The following PRXL2A variants were observed in gnomAD, a reference collection of about 807,000 sequenced individuals.
The protein encoded by PRXL2A is peroxiredoxin-like 2A.
In PRXL2A, 26 loss-of-function variants were observed where a neutral mutation model predicts 25.6. That is an observed-to-expected ratio of 1.02 (90% CI 0.74 to 1.41). The LOEUF is 1.41. Ranked by LOEUF, PRXL2A falls within the 40% of genes most tolerant of loss-of-function variation. The pLI, the probability that PRXL2A is intolerant of heterozygous loss-of-function variation, is 0.00. For missense variants in PRXL2A, 246 were observed against 273.9 expected, an observed-to-expected ratio of 0.90 and a Z score of 0.72; for synonymous variants, 98 against 102.9, an observed-to-expected ratio of 0.95 and a Z score of 0.29.
intron 1 of PRXL2A, chr10:80,414,010 G>A: frequency 3.3e-6 from 1 of 305,308 alleles, no homozygotes; most frequent in Non-Finnish European, 5.3e-6. Context: ...TGGGGGCAGT[G>A]TTGAGGAGCC....
At chr10:80,419,298 CTTTTTTTTTTTTTCT>C (rs1453042356) in intron 1 of PRXL2A, among the ~76,000 whole-genome samples, 2 of 129,188 alleles carry the variant, frequency 1.5e-5, no homozygotes, top group South Asian at 2.7e-4. Context: ...CTTCCTCTTT[CTTTTTTTTTTTTTCT>C]TTTTTTTTTT....
intron 3 of PRXL2A, 34 bp downstream of exon 3, chr10:80,422,542 G>C: frequency 6.4e-7 from 1 of 1,554,672 alleles, no homozygotes; most frequent in Non-Finnish European, 8.9e-7. Flanking sequence ...CAGAGAAAGG[G>C]ATCCTGGCAA....
intron 2 of PRXL2A, among the ~76,000 whole-genome samples, chr10:80,422,149 T>C (rs922831938): frequency 6.6e-6 from 1 of 152,182 alleles, no homozygotes; most frequent in Non-Finnish European, 1.5e-5. Flanking sequence ...CACTTCTGAA[T>C]GTTCAGGTTA....
In PRXL2A at chr10:80,432,920, C is replaced by G. The variant is rs942380640; in HGVS notation, c.*821C>G. Reference sequence around the variant, plus strand: ...GTGAAATCTCTTGTTTCATTATCTTCCATTCTAACCTCAGAGATCTGTTTC... The same window carrying G: ...GTGAAATCTCTTGTTTCATTATCTTGCATTCTAACCTCAGAGATCTGTTTC... On this transcript the variant is annotated 3_prime_UTR_variant, in exon 6 of 6. Coordinates refer to ENST00000606162, the MANE Select transcript of PRXL2A (RefSeq NM_032333.5). The G allele has an allele frequency of 6.6e-6, 1 of 152,184 alleles. No homozygotes were observed. Among genetic ancestry groups the G allele is most frequent in the Non-Finnish European group, 1.5e-5 (1 of 68,038 alleles). 9.4% of individuals were successfully genotyped at this position (152,184 alleles called of 1,614,324 possible).
intron 3 of PRXL2A, among the ~76,000 whole-genome samples, chr10:80,424,400 C>G (rs1426893118): frequency 1.6e-5 from 1 of 61,760 alleles, no homozygotes; most frequent in Non-Finnish European, 2.6e-5. Flanking sequence ...GAGACCCTGT[C>G]TCTACAAAAA....
chr10:80,427,599 C>G, intron 5 of PRXL2A, 103 bp downstream of exon 5: 1 of 1,194,480 alleles, frequency 8.4e-7, no homozygotes, highest in Non-Finnish European at 1.2e-6. Context: ...TGTTTTGGGT[C>G]TCCTAGCCTT....
chr10:80,417,206 C>CTT (rs1230931809), intron 1 of PRXL2A, among the ~76,000 whole-genome samples: 2 of 152,172 alleles, frequency 1.3e-5, no homozygotes, highest in African/African-American at 4.8e-5. Flanking sequence ...AAAAGAGCAA[C>CTT]GGTACCAGGT....
In PRXL2A at chr10:80,435,536, T is replaced by C. The variant is rs1845381306; in HGVS notation, c.*3437T>C. ...TCTGTCACCTAGGCTAGAGTGTAAT[T>C]AGTGGCCCCAGTCATGGCTCACTGC... On this transcript the variant is annotated 3_prime_UTR_variant, in exon 6 of 6. Transcript: ENST00000606162. 1 of 148,192 alleles carries C rather than the reference T, an allele frequency of 6.7e-6. No homozygotes were observed. The highest frequency in any genetic ancestry group is 6.8e-5 in the Admixed American group (1 of 14,762). 9.2% of individuals were successfully genotyped at this position (148,192 alleles called of 1,614,324 possible).
chr10:80,413,192 T>G (rs991828222), intron 1 of PRXL2A, among the ~76,000 whole-genome samples: 1 of 145,298 alleles, frequency 6.9e-6, no homozygotes, highest in Admixed American at 6.8e-5. Flanking sequence ...GAAATCGACT[T>G]TAGTTTTGGA....
At chr10:80,420,211 G>A in intron 1 of PRXL2A, 2 of 1,142,832 alleles carry the variant, frequency 1.8e-6, no homozygotes, top group Non-Finnish European at 2.2e-6. Context: ...TGAGAAGGCT[G>A]TCCTTTCTCT....
At chr10:80,417,754 T>A (rs544512381) in intron 1 of PRXL2A, among the ~76,000 whole-genome samples, 1 of 91,238 alleles carries the variant, frequency 1.1e-5, no homozygotes, top group African/African-American at 5.2e-5. Flanking sequence ...ATCTTTTTTT[T>A]TTTGTTTTTT....
At chr10:80,415,050 G>T (rs1282622318) in intron 1 of PRXL2A, among the ~76,000 whole-genome samples, 1 of 152,212 alleles carries the variant, frequency 6.6e-6, no homozygotes, top group Non-Finnish European at 1.5e-5. Context: ...TAGCCCAGGG[G>T]ACTTGGATAA....
At position 80,434,495 on chromosome 10, in the gene PRXL2A, T is replaced by TA. The variant is rs1845349605; in HGVS notation, c.*2401dup. ...TAAGGACCTTATTAAAATGGAGACT[T>TA]AAAAAGCTGGACGCTAAAGGCAATA... On this transcript the variant is annotated 3_prime_UTR_variant, in exon 6 of 6. Coordinates refer to ENST00000606162, the MANE Select transcript of PRXL2A (RefSeq NM_032333.5). 6.6e-6 allele frequency: 1 copy of TA among 152,136 alleles called. No homozygotes were observed. The highest frequency in any genetic ancestry group is 2.4e-5 in the African/African-American group (1 of 41,420). 9.4% of individuals were successfully genotyped at this position (152,136 alleles called of 1,614,324 possible).
At chr10:80,409,173 T>TC (rs1164713134) in intron 1 of PRXL2A, 2 of 624,620 alleles carry the variant, frequency 3.2e-6, no homozygotes. Flanking sequence ...AGGCACCTGT[T>TC]CCCCCTCTTT....
At chr10:80,422,581 CAAGGGTCGGT>C in intron 3 of PRXL2A, 73 bp downstream of exon 3, 2 of 1,202,526 alleles carry the variant, frequency 1.7e-6, no homozygotes, top group Non-Finnish European at 1.2e-6. Flanking sequence ...CGGCCAGAAC[CAAGGGTCGGT>C]AAGCCAGCTT....
At chr10:80,420,788 T>G (rs1333386942) in intron 2 of PRXL2A, 143 bp downstream of exon 2, 1 of 617,880 alleles carries the variant, frequency 1.6e-6, no homozygotes, top group Non-Finnish European at 2.5e-6. Flanking sequence ...ATTTTTAAAC[T>G]AGGAATAATT....
rs1432685627 is a variant in PRXL2A, at chr10:80,426,011, G to A, written c.411+5G>A. 3.7e-6 allele frequency: 6 copies of A among 1,614,066 alleles called. No individual in the cohort carries two copies. In the South Asian group the frequency reaches 6.6e-5, roughly 18 times the overall value. On this transcript the variant is annotated splice_donor_5th_base_variant and intron_variant, in intron 4 of 5. Coordinates refer to ENST00000606162, the MANE Select transcript of PRXL2A (RefSeq NM_032333.5). The stretch of plus-strand genomic sequence containing the variant: ...GAAATCTTCCTGGATGAAAAGGTGT[G>A]TGTGATGGGAGGCTTTTAGACACAG...
intron 5 of PRXL2A, among the ~76,000 whole-genome samples, chr10:80,428,073 G>T (rs912073511): frequency 6.6e-6 from 1 of 152,196 alleles, no homozygotes; most frequent in South Asian, 2.1e-4. Flanking sequence ...AGGAGGTTGC[G>T]GGGAGACGAT....
Position 80,427,392 on chromosome 10 carries a change from G to A in PRXL2A, c.472G>A (p.Val158Met), listed in dbSNP as rs760703484. 81 of 1,614,026 alleles carry A rather than the reference G, an allele frequency of 5.0e-5. No homozygotes were observed. The highest frequency in any genetic ancestry group is 8.3e-5 in the Admixed American group (5 of 60,010). The change falls in exon 5 of 6, where the codon GTG becomes ATG. Residue 158 changes from valine (V) to methionine (M), a missense_variant. Physicochemically the swap from Val to Met is conservative, Grantham distance 21 (BLOSUM62 1). Coordinates refer to ENST00000606162, the MANE Select transcript of PRXL2A (RefSeq NM_032333.5). ...GTTTATGGGATTTATCCGTCTGGGA[G>A]TGTGGTACAACTTCTTCCGAGCCTG... is the stretch of plus-strand genomic sequence containing the variant. ...MMFMGFIRLG[V>M]WYNFFRAWNG... is the part of the protein sequence containing the mutation.
Sources: allele counts gnomAD v4.1 joint callset (sites outside exome capture counted in the v4.1 genomes callset), GRCh38; gene constraint gnomAD v4.1.1; transcripts MANE v1.5; gene names NCBI Gene and HGNC (gene_info 2026-07-23, HGNC 2026-07-21).